Variants in KIAA1328 observed in about 807,000 individuals in gnomAD.
KIAA1328 encodes protein hinderin.
Under a neutral mutation model 68.1 loss-of-function variants are expected in KIAA1328, and 52 were observed. The observed-to-expected ratio is 0.76, with a 90% CI of 0.61 to 0.96. The LOEUF (loss-of-function observed/expected upper bound fraction) is 0.96. Ranked by LOEUF, KIAA1328 falls within the 40% of genes least tolerant of loss-of-function variation. The probability of loss-of-function intolerance (pLI) is 0.00; values close to 1 mark genes in which losing one functional copy is unlikely to be tolerated. For missense variants in KIAA1328, 641 were observed against 677.6 expected, an observed-to-expected ratio of 0.95 and a Z score of 0.60; for synonymous variants, 232 against 239.4, an observed-to-expected ratio of 0.97 and a Z score of 0.28.
intron 7 of KIAA1328, among the ~76,000 whole-genome samples, chr18:37,069,338 C>T (rs11662022): frequency 0.4 from 60,985 of 150,736 alleles, 14,151 homozygotes; most frequent in African/African-American, 0.64. Context: ...TAGCCCACTA[C>T]AACCTCCACC....
chr18:36,847,926 G>A (rs907288892), intron 4 of KIAA1328, among the ~76,000 whole-genome samples: 4 of 151,756 alleles, frequency 2.6e-5, no homozygotes, highest in African/African-American at 9.6e-5. Flanking sequence ...TAGACTCTTT[G>A]TTTCATTCGC....
chr18:36,868,735 G>T (rs903083498), intron 4 of KIAA1328, among the ~76,000 whole-genome samples: 1 of 152,086 alleles, frequency 6.6e-6, no homozygotes, highest in Non-Finnish European at 1.5e-5. Flanking sequence ...GTCAAGTATT[G>T]CATTGTTCCC....
chr18:37,127,806 A>G (rs1295944830), intron 7 of KIAA1328, among the ~76,000 whole-genome samples: 1 of 152,218 alleles, frequency 6.6e-6, no homozygotes, highest in African/African-American at 2.4e-5. Flanking sequence ...ACACTACATG[A>G]TTTCAAGACT....
rs1357561214 is a variant in KIAA1328, at chr18:37,152,659, T to C, written c.1233-7541T>C. The stretch of plus-strand genomic sequence containing the variant: ...AGAAGCAGCCCAGAAGCATGTGGTG[T>C]GAGAGGAGTAGGCTGGTAAAGGATG... On this transcript the variant is annotated intron_variant, in intron 7 of 9. Coordinates refer to ENST00000280020, the MANE Select transcript of KIAA1328 (RefSeq NM_020776.3). Among the ~76,000 whole-genome samples the C allele has an allele frequency of 3.9e-5, 6 of 152,176 alleles. No individual in the cohort carries two copies. The East Asian group carries it at 1.2e-3, about 29-fold the overall frequency.
At chr18:37,195,722 G>C (rs1484661516) in intron 9 of KIAA1328, among the ~76,000 whole-genome samples, 2 of 152,144 alleles carry the variant, frequency 1.3e-5, no homozygotes, top group African/African-American at 2.4e-5. Context: ...TTCAAAGTTA[G>C]ATACTGGCTA....
chr18:37,165,560 C>T (rs2059371256), intron 8 of KIAA1328, among the ~76,000 whole-genome samples: 1 of 150,492 alleles, frequency 6.6e-6, no homozygotes, highest in Middle Eastern at 3.4e-3. Flanking sequence ...GCTGGGATTA[C>T]AGGTGTGTGC....
chr18:36,835,135 A>T, intron 2 of KIAA1328, 99 bp from the exon 3 acceptor site: 1 of 866,918 alleles, frequency 1.2e-6, no homozygotes, highest in Non-Finnish European at 1.8e-6. Context: ...TTCCTCCATC[A>T]GGTCCCTTAA....
intron 2 of KIAA1328, 35 bp downstream of exon 2, chr18:36,834,390 C>T (rs1461333097): frequency 6.5e-7 from 1 of 1,537,630 alleles, no homozygotes; most frequent in Admixed American, 2.0e-5. Context: ...GGGAAGCTTA[C>T]TTTGGTCCTT....
chr18:36,959,254 T>C, intron 5 of KIAA1328, 54 bp from the exon 6 acceptor site: 1 of 1,491,784 alleles, frequency 6.7e-7, no homozygotes, highest in Non-Finnish European at 8.9e-7. Flanking sequence ...GCAGCATTGA[T>C]GGATGCAGTT....
chr18:37,143,169 G>A (rs946904383), intron 7 of KIAA1328, among the ~76,000 whole-genome samples: 3 of 151,992 alleles, frequency 2.0e-5, no homozygotes, highest in African/African-American at 7.2e-5. Flanking sequence ...TGGTCAGGCT[G>A]GTCTCGAACT....
chr18:37,090,115 A>T (rs1347524150), intron 7 of KIAA1328, among the ~76,000 whole-genome samples: 1 of 152,218 alleles, frequency 6.6e-6, no homozygotes, highest in Non-Finnish European at 1.5e-5. Flanking sequence ...AATTGCAATT[A>T]GATTTTGGTA....
intron 7 of KIAA1328, among the ~76,000 whole-genome samples, chr18:37,115,321 C>G (rs2058072484): frequency 6.6e-6 from 1 of 152,198 alleles, no homozygotes; most frequent in Admixed American, 6.5e-5. Context: ...CCACCATGAT[C>G]AAGTTGGCTT....
intron 4 of KIAA1328, among the ~76,000 whole-genome samples, chr18:36,844,902 T>C (rs1351847477): frequency 6.6e-6 from 1 of 151,892 alleles, no homozygotes; most frequent in African/African-American, 2.4e-5. Context: ...AATAGATGAA[T>C]ATAAATTGTA....
intron 6 of KIAA1328, among the ~76,000 whole-genome samples, chr18:37,029,877 T>C (rs566292024): frequency 7.9e-5 from 12 of 152,194 alleles, no homozygotes; most frequent in Non-Finnish European, 1.3e-4. Flanking sequence ...AATTACTATG[T>C]CAATTTCTGT....
intron 7 of KIAA1328, among the ~76,000 whole-genome samples, chr18:37,069,649 A>G (rs1269474075): frequency 6.6e-6 from 1 of 152,118 alleles, no homozygotes; most frequent in Admixed American, 6.5e-5. Context: ...GGACCTGGAA[A>G]TTTATTTTTT....
At chr18:36,981,004 C>A (rs987141079) in intron 6 of KIAA1328, among the ~76,000 whole-genome samples, 3 of 152,166 alleles carry the variant, frequency 2.0e-5, no homozygotes, top group African/African-American at 7.2e-5. Context: ...AGCATGAAAA[C>A]AGACTAATAC....
chr18:37,125,288 C>T (rs1437341527), intron 7 of KIAA1328, among the ~76,000 whole-genome samples: 1 of 152,116 alleles, frequency 6.6e-6, no homozygotes, highest in Non-Finnish European at 1.5e-5. Context: ...CCATTGCACT[C>T]CAGCCTGGGT....
chr18:37,067,393 G>A lies in KIAA1328; in HGVS notation c.1080G>A (p.Lys360=), dbSNP rs2056379110. The part of the protein sequence containing the change: ...GALQPIETLK[K]QISEDRKQQL... Reference sequence around the variant, plus strand: ...TGCAACCCATTGAAACTTTGAAAAAGCAGATCTCAGAAGATAGAAAGCAGC... The same window carrying A: ...TGCAACCCATTGAAACTTTGAAAAAACAGATCTCAGAAGATAGAAAGCAGC... Residue 360 remains lysine (K), a synonymous_variant, in exon 7 of 10, where the codon AAG becomes AAA. Coordinates refer to ENST00000280020, the MANE Select transcript of KIAA1328 (RefSeq NM_020776.3). 6.2e-7 allele frequency: 1 copy of A among 1,613,006 alleles called. No homozygotes were observed. The highest frequency in any genetic ancestry group is 8.5e-7 in the Non-Finnish European group (1 of 1,179,446).
chr18:36,934,707 C>A (rs79934776), intron 5 of KIAA1328, among the ~76,000 whole-genome samples: 89 of 152,080 alleles, frequency 5.9e-4, no homozygotes, highest in African/African-American at 2.1e-3. Flanking sequence ...TTTTTTTAGT[C>A]TTTCTTTTCA....
Sources: gnomAD v4.1 joint callset for allele counts (sites outside exome capture counted in the v4.1 genomes callset) on GRCh38, gnomAD v4.1.1 for gene constraint, MANE v1.5 for transcripts, NCBI Gene and HGNC (gene_info 2026-07-23, HGNC 2026-07-21) for gene names.